SMOC1: variants seen among roughly 807,000 people sequenced by gnomAD.
The protein encoded by SMOC1 is SPARC-related modular calcium-binding protein 1.
Under a neutral mutation model 56.3 loss-of-function variants are expected in SMOC1, and 22 were observed. The observed-to-expected ratio is 0.39, with a 90% CI of 0.28 to 0.56. The LOEUF (loss-of-function observed/expected upper bound fraction) is 0.56, where lower values mean the gene tolerates loss of function less well. Ranked by LOEUF, SMOC1 falls within the 20% of genes least tolerant of loss-of-function variation. SMOC1 has a pLI of 0.61. For missense variants in SMOC1, 509 were observed against 565.4 expected, an observed-to-expected ratio of 0.90 and a Z score of 1.01; for synonymous variants, 193 against 215.0, an observed-to-expected ratio of 0.90 and a Z score of 0.89.
intron 3 of SMOC1, among the ~76,000 whole-genome samples, chr14:69,960,576 C>T (rs1471394355): frequency 1.3e-5 from 2 of 152,022 alleles, no homozygotes; most frequent in African/African-American, 4.8e-5. Flanking sequence ...GCACTTATTG[C>T]TTTTCTTTTT....
At chr14:69,912,407 C>G (rs1312153336) in intron 1 of SMOC1, among the ~76,000 whole-genome samples, 1 of 152,190 alleles carries the variant, frequency 6.6e-6, no homozygotes, top group Non-Finnish European at 1.5e-5. Flanking sequence ...CACCACTACA[C>G]CTGGCTAATT....
chr14:69,894,154 A>G (rs59968000), intron 1 of SMOC1, among the ~76,000 whole-genome samples: 1,619 of 152,292 alleles, frequency 0.011, 36 homozygotes, highest in South Asian at 0.099. Context: ...AGGTGGTTTG[A>G]TTCAGTGGCT....
intron 1 of SMOC1, among the ~76,000 whole-genome samples, chr14:69,940,038 G>A (rs1330938999): frequency 2.0e-5 from 3 of 152,186 alleles, no homozygotes; most frequent in Non-Finnish European, 2.9e-5. Flanking sequence ...TCTCTCAAGG[G>A]GAACTTGAAT....
At chr14:69,890,154 G>A (rs1883921907) in intron 1 of SMOC1, among the ~76,000 whole-genome samples, 1 of 152,204 alleles carries the variant, frequency 6.6e-6, no homozygotes, top group South Asian at 2.1e-4. Flanking sequence ...ATTATGACCA[G>A]CATCTGTTAG....
At chr14:69,935,912 A>T (rs1448000472) in intron 1 of SMOC1, among the ~76,000 whole-genome samples, 1 of 152,200 alleles carries the variant, frequency 6.6e-6, no homozygotes, top group Non-Finnish European at 1.5e-5. Flanking sequence ...GAATGAATGA[A>T]TGTGGCAAGT....
intron 5 of SMOC1, among the ~76,000 whole-genome samples, chr14:69,978,837 CTGTT>C (rs1422492679): frequency 1.3e-5 from 2 of 152,090 alleles, no homozygotes; most frequent in Non-Finnish European, 2.9e-5. Context: ...TGTCTGAGGG[CTGTT>C]TATTGGACAA....
intron 7 of SMOC1, among the ~76,000 whole-genome samples, chr14:69,995,679 A>G (rs1259789544): frequency 6.6e-6 from 1 of 152,238 alleles, no homozygotes; most frequent in Non-Finnish European, 1.5e-5. Flanking sequence ...TCAAAGGACT[A>G]TGGTTAAAAG....
intron 6 of SMOC1, among the ~76,000 whole-genome samples, chr14:69,993,511 C>T (rs1276560128): frequency 6.6e-6 from 1 of 152,176 alleles, no homozygotes; most frequent in Non-Finnish European, 1.5e-5. Context: ...GATCATGAGA[C>T]TGGGCAGAGT....
chr14:70,030,288 G>C lies in SMOC1; in HGVS notation c.*30G>C. 6.2e-7 allele frequency: 1 copy of C among 1,613,006 alleles called. No homozygotes were observed. The highest frequency in any genetic ancestry group is 1.1e-5 in the South Asian group (1 of 90,990). ...CAGAAAACCCAAGGGCAGGTGGAGA[G>C]TCCAGGGAGGCAGGATGGATCACCA... On this transcript the variant is annotated 3_prime_UTR_variant, in exon 12 of 12. Transcript: ENST00000361956.
intron 5 of SMOC1, among the ~76,000 whole-genome samples, chr14:69,985,041 G>GA (rs58714036): frequency 7.0e-4 from 96 of 136,616 alleles, no homozygotes; most frequent in East Asian, 5.6e-3. Context: ...CTCAAAAAAA[G>GA]AAAAAAAAAA....
chr14:69,902,899 C>G (rs573508952), intron 1 of SMOC1, among the ~76,000 whole-genome samples: 1 of 152,212 alleles, frequency 6.6e-6, no homozygotes, highest in Non-Finnish European at 1.5e-5. Context: ...GGATTGCAGA[C>G]GGAGTCTCGT....
chr14:70,010,507 C>G (rs891204296), intron 7 of SMOC1, among the ~76,000 whole-genome samples: 1 of 152,192 alleles, frequency 6.6e-6, no homozygotes, highest in East Asian at 1.9e-4. Context: ...TGCAGTTGAA[C>G]CTATTTGGTG....
At position 70,031,587 on chromosome 14, in the gene SMOC1, C is replaced by T. The variant is rs1265221615; in HGVS notation, c.*1329C>T. 6.6e-6 allele frequency: 1 copy of T among 152,200 alleles called. No individual in the cohort carries two copies. Among genetic ancestry groups the T allele is most frequent in the African/African-American group, 2.4e-5 (1 of 41,436 alleles). 9.4% of individuals were successfully genotyped at this position (152,200 alleles called of 1,614,324 possible). A position where few individuals can be genotyped will look rare whatever the true frequency, so the allele number is the denominator to read the frequency against. ...GATCTTGGGTTTCCTATTCTGCCTC[C>T]CCTAGAAGGGCAGGGGTGATAACCC... On this transcript the variant is annotated 3_prime_UTR_variant, in exon 12 of 12. Coordinates refer to ENST00000361956, the MANE Select transcript of SMOC1 (RefSeq NM_001034852.3).
intron 11 of SMOC1, among the ~76,000 whole-genome samples, chr14:70,024,488 G>A (rs1420727030): frequency 6.6e-6 from 1 of 152,078 alleles, no homozygotes; most frequent in East Asian, 1.9e-4. Context: ...GGCCCACAAA[G>A]CCTAAAATAT....
intron 1 of SMOC1, among the ~76,000 whole-genome samples, chr14:69,897,806 A>T (rs1391545206): frequency 1.3e-5 from 2 of 152,208 alleles, no homozygotes; most frequent in Non-Finnish European, 2.9e-5. Flanking sequence ...TGAAAAAACT[A>T]TTATCTGTTA....
rs377246028 is a variant in SMOC1 at position 70,025,983 on chromosome 14, A to G, written c.1291+2536A>G. Reference sequence around the variant, plus strand: ...ATTCTTCTTTGTAAGATGAACTTACACTGTGTTGCAGTTTACTCTTCCGAT... The same window carrying G: ...ATTCTTCTTTGTAAGATGAACTTACGCTGTGTTGCAGTTTACTCTTCCGAT... On this transcript the variant is annotated intron_variant, in intron 11 of 11. Transcript: ENST00000361956. Among the ~76,000 whole-genome samples, 8 of 152,216 alleles carry G rather than the reference A, an allele frequency of 5.3e-5. 1 individual carries two copies. The East Asian group carries it at 7.7e-4, about 15-fold the overall frequency.
chr14:70,010,647 T>A, intron 7 of SMOC1, 107 bp from the exon 8 acceptor site: 10 of 1,202,932 alleles, frequency 8.3e-6, no homozygotes, highest in Non-Finnish European at 8.6e-6. Context: ...CATCAGTTCC[T>A]GGGTCCAGGC....
At chr14:69,985,551 C>A (rs1884335588) in intron 5 of SMOC1, among the ~76,000 whole-genome samples, 1 of 152,162 alleles carries the variant, frequency 6.6e-6, no homozygotes, top group African/African-American at 2.4e-5. Flanking sequence ...ACTGCCCTAC[C>A]CACGGCCAAC....
chr14:69,965,377 AAATAATAAT>A (rs544015097), intron 3 of SMOC1, among the ~76,000 whole-genome samples: 23 of 113,880 alleles, frequency 2.0e-4, no homozygotes, highest in Non-Finnish European at 3.9e-4. Flanking sequence ...CAAGACTCTC[AAATAATAAT>A]AATAATAATA....
Sources: gnomAD v4.1 joint callset for allele counts (sites outside exome capture counted in the v4.1 genomes callset) on GRCh38, gnomAD v4.1.1 for gene constraint, MANE v1.5 for transcripts, NCBI Gene and HGNC (gene_info 2026-07-23, HGNC 2026-07-21) for gene names.